The following RBFOX3 variants were observed in gnomAD, a reference collection of about 807,000 sequenced individuals.
The protein encoded by RBFOX3 is RNA binding fox-1 homolog 3, also known as RNA binding protein fox-1 homolog 3.
In RBFOX3, 17 loss-of-function variants were observed where a neutral mutation model predicts 48.7. The observed-to-expected ratio is 0.35, with a 90% CI of 0.24 to 0.52. The LOEUF (loss-of-function observed/expected upper bound fraction) is 0.52. Ranked by LOEUF, RBFOX3 falls within the 20% of genes least tolerant of loss-of-function variation. RBFOX3 has a pLI of 0.94. For synonymous variants in RBFOX3, 212 were observed against 209.5 expected, an observed-to-expected ratio of 1.01 and a Z score of -0.10; for missense variants, 382 against 497.5, an observed-to-expected ratio of 0.77 and a Z score of 2.21.
chr17:79,420,128 TACAC>T (rs58282867), intron 2 of RBFOX3, among the ~76,000 whole-genome samples: 1,154 of 114,324 alleles, frequency 0.01, 14 homozygotes, highest in African/African-American at 0.024. Context: ...CTCCGTCTCA[TACAC>T]ACACACACAC....
chr17:79,174,388 C>T (rs1158665077), intron 4 of RBFOX3, among the ~76,000 whole-genome samples: 1 of 151,646 alleles, frequency 6.6e-6, no homozygotes, highest in Non-Finnish European at 1.5e-5. Flanking sequence ...CACACATCCA[C>T]AATGTACTCT....
intron 3 of RBFOX3, among the ~76,000 whole-genome samples, chr17:79,297,565 A>G (rs1252407232): frequency 6.6e-6 from 1 of 152,266 alleles, no homozygotes; most frequent in African/African-American, 2.4e-5. Context: ...AAGCTGATGT[A>G]GGACAGACAC....
intron 2 of RBFOX3, among the ~76,000 whole-genome samples, chr17:79,395,415 TA>T (rs2061869185): frequency 2.0e-5 from 3 of 152,320 alleles, no homozygotes; most frequent in South Asian, 2.1e-4. Context: ...TGGCCTCGCT[TA>T]AGCTGCATCA....
intron 1 of RBFOX3, among the ~76,000 whole-genome samples, chr17:79,485,706 T>G (rs2079479310): frequency 6.6e-6 from 1 of 152,164 alleles, no homozygotes; most frequent in Non-Finnish European, 1.5e-5. Flanking sequence ...GCTTAGAAGA[T>G]GGAGACACGA....
At chr17:79,612,014 G>T (rs1402360000), upstream of RBFOX3, among the ~76,000 whole-genome samples, 2 of 152,168 alleles carry the variant, frequency 1.3e-5, no homozygotes, top group Non-Finnish European at 2.9e-5. Flanking sequence ...GAGGGAGCAG[G>T]AGAGCAGAGG....
rs950044920 is a variant in RBFOX3, at chr17:79,090,429, A to T, written c.*454T>A. The T allele has an allele frequency of 1.2e-5, 2 of 160,312 alleles. No homozygotes were observed. The highest frequency in any genetic ancestry group is 4.8e-5 in the African/African-American group (2 of 41,700). The allele number at this position is 160,312 out of a possible 1,614,324, so 9.9% of individuals were successfully genotyped here. A position where few individuals can be genotyped will look rare whatever the true frequency, so the allele number is the denominator to read the frequency against. The stretch of plus-strand genomic sequence containing the variant: ...CGGCCCCCTGGCACAGCTGGCCACA[A>T]AGATCAAGTCTTGCTAGCAGCGCCT... On this transcript the variant is annotated 3_prime_UTR_variant, in exon 15 of 15. Coordinates refer to ENST00000693108, the MANE Select transcript of RBFOX3 (RefSeq NM_001350451.2).
chr17:79,624,869 G>T, the RBFOX3 span, among the ~76,000 whole-genome samples: 10 of 143,484 alleles, frequency 7.0e-5, no homozygotes, highest in Non-Finnish European at 1.2e-4. Flanking sequence ...CCCACTTTGG[G>T]CACACTCACT....
intron 2 of RBFOX3, among the ~76,000 whole-genome samples, chr17:79,367,819 C>T (rs1014240749): frequency 6.6e-6 from 1 of 152,088 alleles, no homozygotes; most frequent in Non-Finnish European, 1.5e-5. Flanking sequence ...GCCCGCCTGG[C>T]CCCCCAGGAA....
chr17:79,250,065 C>T (rs537074634), intron 3 of RBFOX3, among the ~76,000 whole-genome samples: 1 of 152,320 alleles, frequency 6.6e-6, no homozygotes, highest in South Asian at 2.1e-4. Context: ...GCTGCTGGCT[C>T]AACCGGATTC....
At chr17:79,225,065 TG>T (rs1297266704) in intron 4 of RBFOX3, among the ~76,000 whole-genome samples, 1 of 152,200 alleles carries the variant, frequency 6.6e-6, no homozygotes, top group African/African-American at 2.4e-5. Flanking sequence ...CAGGAGTCAG[TG>T]CCCTTTGACC....
chr17:79,154,794 A>G (rs2045394947), intron 4 of RBFOX3, among the ~76,000 whole-genome samples: 1 of 152,176 alleles, frequency 6.6e-6, no homozygotes, highest in South Asian at 2.1e-4. Flanking sequence ...AGGAGGTGCC[A>G]CTGAGGAGTC....
At chr17:79,328,291 C>A (rs1258772913) in intron 2 of RBFOX3, among the ~76,000 whole-genome samples, 2 of 152,208 alleles carry the variant, frequency 1.3e-5, no homozygotes, top group Admixed American at 1.3e-4. Context: ...CTCTGCAGAA[C>A]TGGCCACTTT....
intron 1 of RBFOX3, among the ~76,000 whole-genome samples, chr17:79,500,311 G>A (rs2082220651): frequency 6.9e-6 from 1 of 145,542 alleles, no homozygotes; most frequent in Admixed American, 7.0e-5. Flanking sequence ...AGGCTGGAGT[G>A]CAAGGGTGCA....
At chr17:79,439,262 C>T (rs538716128) in intron 2 of RBFOX3, among the ~76,000 whole-genome samples, 1 of 152,344 alleles carries the variant, frequency 6.6e-6, no homozygotes, top group East Asian at 1.9e-4. Flanking sequence ...AGCAGCACCC[C>T]GCTCCCCAGC....
In RBFOX3 at chr17:79,288,480, C is replaced by T. The variant is rs533212820; in HGVS notation, c.-74+19244G>A. Among the ~76,000 whole-genome samples, 5 of 152,128 alleles carry T rather than the reference C, an allele frequency of 3.3e-5. 1 individual carries two copies. The South Asian group carries it at 1.0e-3, about 32-fold the overall frequency. On this transcript the variant is annotated intron_variant, in intron 3 of 14. Transcript: ENST00000693108. Reference sequence around the variant, plus strand: ...CTGCCCCTTTCCATTCTCTGCAGCCCCCCCCAGCCCGGCTTCCAGCCCCTC... The same window carrying T: ...CTGCCCCTTTCCATTCTCTGCAGCCTCCCCCAGCCCGGCTTCCAGCCCCTC...
Position 79,299,726 on chromosome 17 carries a change from A to G in RBFOX3, c.-74+7998T>C, listed in dbSNP as rs1020420951. On this transcript the variant is annotated intron_variant, in intron 3 of 14. Transcript: ENST00000693108. This position sits in a 1 kb window ranked among gnomAD's most constrained non-coding sequence, Gnocchi z 4.5. The stretch of plus-strand genomic sequence containing the variant: ...GTTAATTAGGGTGAGTCTTAATCCA[A>G]AGTGACTGTTCTCCTGAAGAGGAGA... Among the ~76,000 whole-genome samples, 1 of 152,316 alleles carries G rather than the reference A, an allele frequency of 6.6e-6. No homozygotes were observed. Among genetic ancestry groups the G allele is most frequent in the African/African-American group, 2.4e-5 (1 of 41,572 alleles).
intron 2 of RBFOX3, among the ~76,000 whole-genome samples, chr17:79,407,392 A>G (rs1240671296): frequency 1.3e-5 from 2 of 152,258 alleles, no homozygotes; most frequent in Non-Finnish European, 2.9e-5. Flanking sequence ...AAGGTCTGGG[A>G]GTATCTGTCC....
chr17:79,202,476 G>A (rs776792395), intron 4 of RBFOX3, among the ~76,000 whole-genome samples: 14 of 152,148 alleles, frequency 9.2e-5, no homozygotes, highest in South Asian at 2.1e-4. Context: ...TTATATAAGC[G>A]CAGAGCCATA....
At chr17:79,251,584 C>T (rs944924159) in intron 3 of RBFOX3, among the ~76,000 whole-genome samples, 6 of 152,166 alleles carry the variant, frequency 3.9e-5, no homozygotes, top group African/African-American at 7.2e-5. Flanking sequence ...GTGTGACCTC[C>T]GCTACCCACA....
Sources: gnomAD v4.1 joint callset for allele counts (sites outside exome capture counted in the v4.1 genomes callset) on GRCh38, gnomAD v4.1.1 for gene constraint, Gnocchi (gnomAD v3.1) non-coding constraint, MANE v1.5 for transcripts, NCBI Gene and HGNC (gene_info 2026-07-23, HGNC 2026-07-21) for gene names.